CMTR1: variants seen among roughly 807,000 people sequenced by gnomAD.
CMTR1 encodes the protein cap methyltransferase 1.
A neutral mutation model predicts 107.0 loss-of-function variants in CMTR1; 39 were observed. That is an observed-to-expected ratio of 0.36 (90% CI 0.28 to 0.48). CMTR1 has a LOEUF of 0.48. Among genes scored for constraint, CMTR1 ranks in the 20% least tolerant of loss-of-function variants. CMTR1 has a pLI of 0.99. For missense variants in CMTR1, 672 were observed against 1,064.9 expected, an observed-to-expected ratio of 0.63 and a Z score of 5.14; for synonymous variants, 366 against 379.5, an observed-to-expected ratio of 0.96 and a Z score of 0.41.
At chr6:37,431,824 TTC>T (rs1409956340), upstream of CMTR1, among the ~76,000 whole-genome samples, 1 of 152,052 alleles carries the variant, frequency 6.6e-6, no homozygotes, top group Non-Finnish European at 1.5e-5. Context: ...TTTTGTTGTG[TTC>T]TGTTTTTGAG....
chr6:37,462,159 A>G (rs1257675409), intron 12 of CMTR1, 57 bp downstream of exon 12: 4 of 1,588,526 alleles, frequency 2.5e-6, no homozygotes, highest in Non-Finnish European at 3.5e-6. Context: ...AGAACAGCAA[A>G]TCATGGTGCA....
At chr6:37,471,960 T>C in intron 15 of CMTR1, 56 bp downstream of exon 15, 1 of 1,526,714 alleles carries the variant, frequency 6.6e-7, no homozygotes, top group Non-Finnish European at 9.0e-7. Flanking sequence ...TAGAGAAGAA[T>C]GGGGTTGACT....
Position 37,446,593 on chromosome 6 carries a change from A to G in CMTR1, c.444+144A>G, listed in dbSNP as rs1771800927. 7.6e-6 allele frequency: 7 copies of G among 924,094 alleles called. No homozygotes were observed. In the South Asian group the frequency reaches 1.0e-4, roughly 14 times the overall value. 57.2% of individuals were successfully genotyped at this position (924,094 alleles called of 1,614,324 possible). A position where few individuals can be genotyped will look rare whatever the true frequency, so the allele number is the denominator to read the frequency against. ...GTTTTTTACGTGGAAAGTACTGGGG[A>G]TATCCAGAATGGAAAACAGAAGGCT... is the stretch of plus-strand genomic sequence containing the variant. On this transcript the variant is annotated intron_variant, in intron 4 of 23. Coordinates refer to ENST00000373451, the MANE Select transcript of CMTR1 (RefSeq NM_015050.3).
At chr6:37,449,317 T>TGTTATGTTAC (rs11282584) in intron 4 of CMTR1, among the ~76,000 whole-genome samples, 3 of 151,738 alleles carry the variant, frequency 2.0e-5, no homozygotes, top group Non-Finnish European at 4.4e-5. Flanking sequence ...TGTTATGTTA[T>TGTTATGTTAC]TTTGTTTTCA....
the CMTR1 span, among the ~76,000 whole-genome samples, chr6:37,424,157 G>C: frequency 1.7e-4 from 26 of 152,176 alleles, 1 homozygote; most frequent in South Asian, 5.0e-3. Context: ...TGTTAGAAAA[G>C]AAAATGATTT....
intron 2 of CMTR1, among the ~76,000 whole-genome samples, chr6:37,438,580 C>T (rs548723866): frequency 1.3e-5 from 2 of 152,306 alleles, no homozygotes; most frequent in African/African-American, 2.4e-5. Context: ...GTATCTTTAT[C>T]AGCAAGACTG....
chr6:37,428,870 G>T (rs1771327912), upstream of CMTR1, among the ~76,000 whole-genome samples: 1 of 152,160 alleles, frequency 6.6e-6, no homozygotes, highest in Non-Finnish European at 1.5e-5. Flanking sequence ...TGATGCATTT[G>T]GAAGTGGATT....
rs771943624 is a variant in CMTR1 at position 37,451,795 on chromosome 6, T to C, written c.538-11T>C. ...ACGTGGTCATTACTTACTGCTTTTTTCTCCCTGTAGAGAAAGATGATTATT... is the reference window on the plus strand; with the variant it reads ...ACGTGGTCATTACTTACTGCTTTTTCCTCCCTGTAGAGAAAGATGATTATT... On this transcript the variant is annotated splice_polypyrimidine_tract_variant and intron_variant, in intron 5 of 23. Transcript: ENST00000373451. 1 of 1,610,828 alleles carries C rather than the reference T, an allele frequency of 6.2e-7. No individual in the cohort carries two copies. The highest frequency in any genetic ancestry group is 8.5e-7 in the Non-Finnish European group (1 of 1,177,288).
At chr6:37,477,456 C>T in intron 20 of CMTR1, 136 bp from the exon 21 acceptor site, 1 of 754,150 alleles carries the variant, frequency 1.3e-6, no homozygotes, top group Non-Finnish European at 2.4e-6. Context: ...GTCCTCGCTG[C>T]CGGTGGGCTG....
At chr6:37,431,988 T>C (rs1342609625), upstream of CMTR1, among the ~76,000 whole-genome samples, 6 of 152,300 alleles carry the variant, frequency 3.9e-5, no homozygotes, top group East Asian at 1.2e-3. Flanking sequence ...GCTACTTTTT[T>C]TGTATCTTCA....
chr6:37,463,091 G>C, intron 13 of CMTR1, 83 bp downstream of exon 13: 1 of 1,402,382 alleles, frequency 7.1e-7, no homozygotes, highest in Admixed American at 1.8e-5. Context: ...GTTGGCTCTT[G>C]GTATCACTTT....
intron 3 of CMTR1, 96 bp from the exon 4 acceptor site, chr6:37,446,195 T>C: frequency 7.6e-7 from 1 of 1,322,854 alleles, no homozygotes; most frequent in Admixed American, 2.2e-5. Flanking sequence ...AATCATCTAT[T>C]TTTCTTAGGA....
Position 37,464,892 on chromosome 6 carries a change from C to CTGTGTG in CMTR1, c.1505+1916_1505+1921dup, listed in dbSNP as rs61375488. 9.9e-3 allele frequency among the ~76,000 whole-genome samples: 1,475 copies of CTGTGTG among 148,342 alleles called. 23 individuals are homozygous for CTGTGTG. Among genetic ancestry groups the CTGTGTG allele is most frequent in the South Asian group, 0.032 (151 of 4,674 alleles). ...AAATACCACATAGTTTTCTAAAACGCTGTGTGTGTGTGTGTGTGTGTGTGT... is the reference window on the plus strand; with the variant it reads ...AAATACCACATAGTTTTCTAAAACGCTGTGTGTGTGTGTGTGTGTGTGTGTGTGTGT... On this transcript the variant is annotated intron_variant, in intron 13 of 23. Transcript: ENST00000373451.
intron 22 of CMTR1, among the ~76,000 whole-genome samples, 182 bp from the exon 23 acceptor site, chr6:37,478,965 C>T (rs1036147935): frequency 2.0e-5 from 3 of 152,174 alleles, no homozygotes; most frequent in South Asian, 2.1e-4. Context: ...GAAGTCATCG[C>T]GTAGTCATTC....
chr6:37,479,279 G>A (rs753324333), intron 23 of CMTR1, 24 bp downstream of exon 23: 2 of 1,504,628 alleles, frequency 1.3e-6, no homozygotes, highest in African/African-American at 1.4e-5. Flanking sequence ...CTCCAAGCCT[G>A]CCCTCCTTAG....
chr6:37,463,150 C>A, intron 13 of CMTR1, 142 bp downstream of exon 13: 1 of 819,542 alleles, frequency 1.2e-6, no homozygotes, highest in Non-Finnish European at 2.0e-6. Context: ...GGTTTCAGGG[C>A]TCCCTGGGAC....
intron 6 of CMTR1, 111 bp from the exon 7 acceptor site, chr6:37,452,936 G>A (rs1386251217): frequency 1.0e-5 from 9 of 895,410 alleles, no homozygotes; most frequent in Middle Eastern, 3.4e-4. Context: ...TTTCAGAGCT[G>A]AGATGCCACA....
chr6:37,462,945 T>G lies in CMTR1; in HGVS notation c.1442T>G (p.Val481Gly), dbSNP rs1043439891. The change falls in exon 13 of 24, where the codon GTC (valine) becomes GGC (glycine). Residue 481 changes from valine to glycine, a missense_variant. Physicochemically the swap from Val to Gly is moderately radical, Grantham distance 109. Around this residue, in one of 2 missense-constraint regions of CMTR1, gnomAD observed 583 missense variants for 968.4 expected, o/e 0.60. Transcript: ENST00000373451. ...ACGGATTCCGACGTCAACTTGGTGG[T>G]CCCCCTGGAGGTGATCAAGGGAGAC... Reference protein sequence around the residue: ...RNTDSDVNLVVPLEVIKGDHE... With the variant: ...RNTDSDVNLVGPLEVIKGDHE... 6.2e-7 allele frequency: 1 copy of G among 1,613,958 alleles called. No individual in the cohort carries two copies. Among genetic ancestry groups the G allele is most frequent in the Admixed American group, 1.7e-5 (1 of 60,004 alleles).
At chr6:37,456,403 C>T (rs943267747) in intron 8 of CMTR1, among the ~76,000 whole-genome samples, 2 of 152,174 alleles carry the variant, frequency 1.3e-5, no homozygotes, top group African/African-American at 4.8e-5. Context: ...ACCCAGCATG[C>T]CTGGAGTGGG....
Sources: allele counts gnomAD v4.1 joint callset (sites outside exome capture counted in the v4.1 genomes callset), GRCh38; gene constraint gnomAD v4.1.1; regional missense constraint gnomAD v4.1.1; transcripts MANE v1.5; gene names NCBI Gene and HGNC (gene_info 2026-07-23, HGNC 2026-07-21).